The following TRPC5OS variants were observed in gnomAD, a reference collection of about 807,000 sequenced individuals.
TRPC5OS encodes TRPC5 opposite strand.
For missense variants in TRPC5OS, 64 were observed against 79.3 expected (o/e 0.81, Z 0.73); for synonymous variants, 30 against 29.3 (o/e 1.02, Z -0.08).
chrX:111,884,093 A>C, intron 1 of TRPC5OS, among the ~76,000 whole-genome samples: 1 of 112,585 alleles, frequency 8.9e-6, no homozygotes, highest in Middle Eastern at 4.6e-3. Context: ...AGTCTAGTTA[A>C]GTATTAGGCA....
At chrX:111,878,307 AG>A (rs1324475193) in intron 1 of TRPC5OS, among the ~76,000 whole-genome samples, 3 of 111,011 alleles carry the variant, frequency 2.7e-5, no homozygotes, top group African/African-American at 1.0e-4. Flanking sequence ...CTGTAGAAAA[AG>A]AAAAAGAAAA....
At chrX:111,892,146 T>C (rs1394127775) in intron 1 of TRPC5OS, among the ~76,000 whole-genome samples, 1 of 112,149 alleles carries the variant, frequency 8.9e-6, no homozygotes, top group African/African-American at 3.2e-5. Context: ...AACTGGTGCT[T>C]AGTCTTTCTC....
rs141220560 is a variant in TRPC5OS at position 111,900,837 on chromosome X, G to A, written c.-310-703G>A. Among the ~76,000 whole-genome samples, 17 of 111,693 alleles carry A rather than the reference G, an allele frequency of 1.5e-4. No homozygotes were observed. The East Asian group carries it at 4.8e-3, about 31-fold the overall frequency. On this transcript the variant is annotated intron_variant, in intron 3 of 3. Coordinates refer to ENST00000635763, the MANE Select transcript of TRPC5OS (RefSeq NM_001195578.2). Reference sequence around the variant, plus strand: ...AGCAGATTCATTTTAAGTGTGGTGGGGAGTGGTAAACCAGACAAATGTAGC... The same window carrying A: ...AGCAGATTCATTTTAAGTGTGGTGGAGAGTGGTAAACCAGACAAATGTAGC...
At chrX:111,886,329 C>T (rs1340685001) in intron 1 of TRPC5OS, among the ~76,000 whole-genome samples, 1 of 112,430 alleles carries the variant, frequency 8.9e-6, no homozygotes, top group African/African-American at 3.2e-5. Context: ...TCCTCAGTGT[C>T]AGATACTTCA....
chrX:111,887,201 G>C (rs1201240232), intron 1 of TRPC5OS, among the ~76,000 whole-genome samples: 1 of 112,617 alleles, frequency 8.9e-6, no homozygotes, highest in Non-Finnish European at 1.9e-5. Flanking sequence ...GAACTGTTTG[G>C]TTTAGTGGGT....
At chrX:111,878,641 A>C (rs1448625271) in intron 1 of TRPC5OS, among the ~76,000 whole-genome samples, 3 of 111,408 alleles carry the variant, frequency 2.7e-5, no homozygotes, top group Non-Finnish European at 5.7e-5. Context: ...ACCTCCCCTC[A>C]ATCGTGACAA....
At chrX:111,895,194 G>C (rs1260588004) in intron 1 of TRPC5OS, among the ~76,000 whole-genome samples, 1 of 111,163 alleles carries the variant, frequency 9.0e-6, no homozygotes, top group Non-Finnish European at 1.9e-5. Flanking sequence ...TTCAGTGCTT[G>C]GTATTGTCAG....
chrX:111,898,277 A>G (rs751627747), intron 3 of TRPC5OS, among the ~76,000 whole-genome samples: 1 of 95,026 alleles, frequency 1.1e-5, no homozygotes, highest in Admixed American at 1.1e-4. Context: ...ATATATATAT[A>G]GACACACACG....
Position 111,888,279 on chromosome X carries a change from T to G in TRPC5OS, c.-545-7672T>G, listed in dbSNP as rs1924601720. Reference sequence around the variant, plus strand: ...GGGCCATATAAACCACTATAAGGATTTGGGTTTTATGCTAAAGGAAATGCA... The same window carrying G: ...GGGCCATATAAACCACTATAAGGATGTGGGTTTTATGCTAAAGGAAATGCA... On this transcript the variant is annotated intron_variant, in intron 1 of 3. Transcript: ENST00000635763. Among the ~76,000 whole-genome samples the G allele has an allele frequency of 5.4e-5, 6 of 110,225 alleles. No homozygotes were observed. In the South Asian group the frequency reaches 2.3e-3, roughly 43 times the overall value.
chrX:111,894,981 A>G (rs935476638), intron 1 of TRPC5OS, among the ~76,000 whole-genome samples: 14 of 110,023 alleles, frequency 1.3e-4, no homozygotes, highest in Non-Finnish European at 2.3e-4. Context: ...AATTTTATGC[A>G]TCTGGTTGAT....
chrX:111,883,001 G>A (rs1160199851), intron 1 of TRPC5OS, among the ~76,000 whole-genome samples: 2 of 108,543 alleles, frequency 1.8e-5, no homozygotes, highest in African/African-American at 3.4e-5. Flanking sequence ...CAGGAGAATC[G>A]CTTGAACCTG....
At chrX:111,880,925 G>T (rs144563774) in intron 1 of TRPC5OS, among the ~76,000 whole-genome samples, 1,815 of 111,423 alleles carry the variant, frequency 0.016, 29 homozygotes, top group African/African-American at 0.056. Flanking sequence ...TCCTCACAAT[G>T]GAACTGATAA....
In TRPC5OS at chrX:111,902,023, G is replaced by A; in HGVS notation, c.174G>A (p.Glu58=). The A allele has an allele frequency of 8.7e-7, 1 of 1,155,701 alleles. No individual in the cohort carries two copies. The highest frequency in any genetic ancestry group is 1.1e-6 in the Non-Finnish European group (1 of 872,785). Residue 58 remains glutamate (E), a synonymous_variant, in exon 4 of 4, where the codon GAG becomes GAA. Transcript: ENST00000635763. ...AAGCAGATGCACCTCTTCCCGAGGA[G>A]CCTTCGCTACCTGATCTCCCTGATC... The part of the protein sequence containing the change: ...ETEADAPLPE[E]PSLPDLPDLS...
rs1189560879 is a variant in TRPC5OS at position 111,876,283 on chromosome X, T to G, written c.-546+10T>G. On this transcript the variant is annotated intron_variant, in intron 1 of 3. Coordinates refer to ENST00000635763, the MANE Select transcript of TRPC5OS (RefSeq NM_001195578.2). Reference sequence around the variant, plus strand: ...ACCCCTGACTCCTAAGGTGAGTTGCTTCATAAACAATTTACCACTTGCAAG... The same window carrying G: ...ACCCCTGACTCCTAAGGTGAGTTGCGTCATAAACAATTTACCACTTGCAAG... 9.0e-6 allele frequency: 1 copy of G among 111,164 alleles called. No homozygotes were observed. Among genetic ancestry groups the G allele is most frequent in the Non-Finnish European group, 1.9e-5 (1 of 52,978 alleles). The allele number at this position is 111,164 out of a possible 1,213,427, so 9.2% of individuals were successfully genotyped here.
chrX:111,893,808 C>A (rs1259685102), intron 1 of TRPC5OS, among the ~76,000 whole-genome samples: 1 of 111,738 alleles, frequency 8.9e-6, no homozygotes, highest in African/African-American at 3.2e-5. Flanking sequence ...CTGTATTGCA[C>A]ACAGTTATTT....
intron 1 of TRPC5OS, among the ~76,000 whole-genome samples, chrX:111,893,262 T>G (rs1044207621): frequency 4.5e-5 from 5 of 110,786 alleles, no homozygotes; most frequent in African/African-American, 1.6e-4. Context: ...TTTATTTCCC[T>G]TATTGTAGAC....
intron 1 of TRPC5OS, among the ~76,000 whole-genome samples, chrX:111,880,892 C>T (rs140808989): frequency 9.0e-6 from 1 of 111,723 alleles, no homozygotes; most frequent in Non-Finnish European, 1.9e-5. Context: ...CAGGCCAAGC[C>T]AGCATATATC....
chrX:111,896,720 T>A lies in TRPC5OS; in HGVS notation c.-311+225T>A, dbSNP rs142760999. Among the ~76,000 whole-genome samples the A allele has an allele frequency of 5.7e-3, 640 of 111,849 alleles. 2 individuals carry two copies. The highest frequency in any genetic ancestry group is 0.02 in the African/African-American group (601 of 30,793). On this transcript the variant is annotated intron_variant, in intron 3 of 3. Transcript: ENST00000635763. ...GAGAATGAGATGTCAGCTCTGGCCC[T>A]GAATAAGGCAAATTTGCTCCTGTAG... is the stretch of plus-strand genomic sequence containing the variant.
intron 1 of TRPC5OS, among the ~76,000 whole-genome samples, chrX:111,888,709 A>AG (rs1924649274): frequency 9.6e-6 from 1 of 104,476 alleles, no homozygotes. Flanking sequence ...AAAAAAAAAA[A>AG]AAAAAAAAAA....
Sources: allele counts gnomAD v4.1 joint callset (sites outside exome capture counted in the v4.1 genomes callset), GRCh38; gene constraint gnomAD v4.1.1; transcripts MANE v1.5; gene names NCBI Gene and HGNC (gene_info 2026-07-23, HGNC 2026-07-21).